FOCAD: variants seen among roughly 807,000 people sequenced by gnomAD.
FOCAD encodes the protein focadhesin, also known as KIAA1797.
Under a neutral mutation model 225.6 loss-of-function variants are expected in FOCAD, and 198 were observed. The observed-to-expected ratio is 0.88, with a 90% CI of 0.78 to 0.99. FOCAD has a LOEUF of 0.99. Among genes scored for constraint, FOCAD ranks in the 50% least tolerant of loss-of-function variants. The pLI is 0.00. For synonymous variants in FOCAD, 897 were observed against 755.0 expected, an observed-to-expected ratio of 1.19 and a Z score of -3.08; for missense variants, 2,713 against 2,123.6, an observed-to-expected ratio of 1.28 and a Z score of -5.46.
At chr9:20,785,017 C>A (rs1168602391) in intron 10 of FOCAD, among the ~76,000 whole-genome samples, 2 of 151,700 alleles carry the variant, frequency 1.3e-5, no homozygotes, top group Non-Finnish European at 2.9e-5. Context: ...AAATGGGCAA[C>A]AAAACACCCC....
At chr9:20,912,827 A>G (rs1165956608) in intron 22 of FOCAD, 39 bp from the exon 23 acceptor site, 4 of 1,526,390 alleles carry the variant, frequency 2.6e-6, no homozygotes, top group Non-Finnish European at 3.6e-6. Context: ...CACTTCAGCC[A>G]TCGAGTTCAC....
At position 20,866,953 on chromosome 9, in the gene FOCAD, T is replaced by TATAG; in HGVS notation, c.2134_2137dup (p.Ser713Ter). The TATAG allele has an allele frequency of 2.4e-6, 3 of 1,233,642 alleles. No individual in the cohort carries two copies. The highest frequency in any genetic ancestry group is 3.4e-6 in the Non-Finnish European group (3 of 891,242). 76.4% of individuals were successfully genotyped at this position (1,233,642 alleles called of 1,614,324 possible). ...GGACCCAATTGTAGCAAATGCTGCA[T>TATAG]ATAGATCCCTGGCCAACTTTAGTGC... On this transcript the variant is annotated frameshift_variant, in exon 18 of 44. Coordinates refer to ENST00000338382, the MANE Select transcript of FOCAD (RefSeq NM_001375567.1). LOFTEE classifies it high-confidence loss of function.
intron 25 of FOCAD, among the ~76,000 whole-genome samples, chr9:20,925,403 C>CCACCCCAACA (rs1244860918): frequency 7.9e-5 from 12 of 152,294 alleles, no homozygotes; most frequent in Non-Finnish European, 1.8e-4. Context: ...ACTTTCTCCT[C>CCACCCCAACA]CACCCCAACA....
intron 14 of FOCAD, 62 bp from the exon 15 acceptor site, chr9:20,822,927 G>A: frequency 6.7e-7 from 1 of 1,484,476 alleles, no homozygotes; most frequent in Non-Finnish European, 8.9e-7. Context: ...TTAGGCAAAA[G>A]ATCTGGGAGT....
At chr9:20,680,732 C>T (rs1026789659), upstream of FOCAD, among the ~76,000 whole-genome samples, 6 of 152,042 alleles carry the variant, frequency 3.9e-5, no homozygotes, top group East Asian at 1.9e-4. Context: ...TTTGGGAGGC[C>T]GAGGCGGGAG....
chr9:20,917,781 A>C (rs1052647835), intron 24 of FOCAD, among the ~76,000 whole-genome samples: 1 of 152,206 alleles, frequency 6.6e-6, no homozygotes, highest in South Asian at 2.1e-4. Flanking sequence ...GTAGCTAAAT[A>C]GATTTTGCCT....
At chr9:20,768,947 T>G (rs1371596080) in intron 7 of FOCAD, among the ~76,000 whole-genome samples, 1 of 152,160 alleles carries the variant, frequency 6.6e-6, no homozygotes, top group Non-Finnish European at 1.5e-5. Context: ...AATGCTAGGT[T>G]GCTGAGATTG....
rs1840782955 is a variant in FOCAD, at chr9:20,982,445, A to C, written c.4727A>C (p.Lys1576Thr). 1 of 1,610,610 alleles carries C rather than the reference A, an allele frequency of 6.2e-7. No individual in the cohort carries two copies. ...GCCAATCGGATCGCCCAGGTTACTA[A>C]GGTAATAACATATCTTTCTATACCT... ...DDANRIAQVT[K>T]SNIEKAAFVK... The change falls in exon 39 of 44, where the codon AAG becomes ACG. Residue 1576 changes from lysine (K) to threonine (T), a missense_variant and splice_region_variant. Lys to Thr is a moderately conservative substitution (Grantham distance 78, BLOSUM62 -1). Transcript: ENST00000338382.
Position 20,882,074 on chromosome 9 carries a change from T to C in FOCAD, c.2503+18T>C. The C allele has an allele frequency of 6.3e-7, 1 of 1,586,322 alleles. No homozygotes were observed. The highest frequency in any genetic ancestry group is 8.6e-7 in the Non-Finnish European group (1 of 1,168,844). On this transcript the variant is annotated intron_variant, in intron 20 of 43. Transcript: ENST00000338382. ...CCTTGCAGGTAAGGGTAGTACATAG[T>C]ATCAAAAATACAGGTTTTTCATGTA...
intron 20 of FOCAD, among the ~76,000 whole-genome samples, chr9:20,884,052 G>A (rs777309516): frequency 4.6e-4 from 70 of 152,162 alleles, no homozygotes; most frequent in Non-Finnish European, 8.7e-4. Context: ...CCACTTTTGA[G>A]TATAAACTAA....
At chr9:20,672,887 T>C (rs1275886372) in intron 2 of FOCAD, among the ~76,000 whole-genome samples, 1 of 152,256 alleles carries the variant, frequency 6.6e-6, no homozygotes, top group Non-Finnish European at 1.5e-5. Flanking sequence ...GATTTAAATC[T>C]ATTTACAAGT....
rs567953935 is a variant in FOCAD at position 20,857,788 on chromosome 9, T to C, written c.1921-4790T>C. Among the ~76,000 whole-genome samples, 10 of 149,910 alleles carry C rather than the reference T, an allele frequency of 6.7e-5. No individual in the cohort carries two copies. In the South Asian group the frequency reaches 2.1e-3, roughly 31 times the overall value. ...TACCCAGTTTTTTTTTTTTTGAGTT[T>C]TTTTTTTTATCATGAAGTGATGTTG... On this transcript the variant is annotated intron_variant, in intron 15 of 43. Transcript: ENST00000338382.
intron 5 of FOCAD, among the ~76,000 whole-genome samples, chr9:20,743,481 C>T (rs952091678): frequency 5.3e-5 from 8 of 152,062 alleles, no homozygotes; most frequent in African/African-American, 1.9e-4. Context: ...TAAGTTGTAC[C>T]AGTATGGGAG....
intron 8 of FOCAD, among the ~76,000 whole-genome samples, chr9:20,770,840 G>A (rs1372791425): frequency 3.3e-5 from 5 of 151,900 alleles, no homozygotes; most frequent in African/African-American, 7.3e-5. Context: ...AATACTCTTC[G>A]GATCATCAAT....
Position 20,715,373 on chromosome 9 carries a change from A to G in FOCAD, c.20A>G (p.Lys7Arg). ...GCAAAAATGTCAGATGATATCAGGA[A>G]AAGGTTTGAATTTCCAAATTCTCTT... MSDDIR[K>R]RFEFPNSLIQ... is the part of the protein sequence containing the mutation. The change falls in exon 2 of 44, where the codon AAA becomes AGA. Residue 7 changes from lysine to arginine, a missense_variant. Coordinates refer to ENST00000338382, the MANE Select transcript of FOCAD (RefSeq NM_001375567.1). The G allele has an allele frequency of 1.3e-6, 2 of 1,526,608 alleles. No homozygotes were observed. The highest frequency in any genetic ancestry group is 8.8e-7 in the Non-Finnish European group (1 of 1,130,606). 94.6% of individuals were successfully genotyped at this position (1,526,608 alleles called of 1,614,324 possible).
At chr9:20,661,869 A>G (rs1554648557) in intron 2 of FOCAD, among the ~76,000 whole-genome samples, 1 of 152,198 alleles carries the variant, frequency 6.6e-6, no homozygotes, top group Non-Finnish European at 1.5e-5. Flanking sequence ...TATTAGTAAA[A>G]GCTTGGAAAC....
At chr9:20,857,569 G>T (rs1828314191) in intron 15 of FOCAD, among the ~76,000 whole-genome samples, 1 of 151,394 alleles carries the variant, frequency 6.6e-6, no homozygotes, top group African/African-American at 2.4e-5. Flanking sequence ...TTTTCCTATT[G>T]GGATGCCCTT....
chr9:20,678,857 C>T (rs1455456037), intron 2 of FOCAD, among the ~76,000 whole-genome samples: 1 of 152,212 alleles, frequency 6.6e-6, no homozygotes, highest in Admixed American at 6.5e-5. Flanking sequence ...AATCCCTGCC[C>T]ATACCTCTGT....
intron 39 of FOCAD, among the ~76,000 whole-genome samples, chr9:20,983,810 T>G (rs1840923005): frequency 6.6e-6 from 1 of 152,162 alleles, no homozygotes. Flanking sequence ...CTTAGAGCTC[T>G]TTTGAGAGTT....
Sources: gnomAD v4.1 joint callset for allele counts (sites outside exome capture counted in the v4.1 genomes callset) on GRCh38, gnomAD v4.1.1 for gene constraint, MANE v1.5 for transcripts, NCBI Gene and HGNC (gene_info 2026-07-23, HGNC 2026-07-21) for gene names.